Variants in MYT1L observed in about 807,000 individuals in gnomAD.
MYT1L encodes the protein myelin transcription factor 1-like protein.
A neutral mutation model predicts 126.7 loss-of-function variants in MYT1L; 12 were observed. The observed-to-expected ratio is 0.09, with a 90% CI of 0.06 to 0.15. The LOEUF (loss-of-function observed/expected upper bound fraction) is 0.15, where lower values mean the gene tolerates loss of function less well. Ranked by LOEUF, MYT1L falls within the 10% of genes least tolerant of loss-of-function variation. MYT1L has a pLI of 1.00. For missense variants in MYT1L, 979 were observed against 1,585.2 expected (o/e 0.62, Z 6.49); for synonymous variants, 541 against 604.2 (o/e 0.90, Z 1.53).
intron 4 of MYT1L, among the ~76,000 whole-genome samples, chr2:2,052,336 A>C (rs1158643540): frequency 1.3e-5 from 2 of 152,240 alleles, no homozygotes; most frequent in Non-Finnish European, 2.9e-5. Context: ...TAAAACTCTT[A>C]GAAGAAAATA....
At chr2:2,025,021 C>T (rs2149858617) in intron 4 of MYT1L, among the ~76,000 whole-genome samples, 1 of 152,360 alleles carries the variant, frequency 6.6e-6, no homozygotes, top group East Asian at 1.9e-4. Flanking sequence ...TTTTTATTGC[C>T]CCCACTGCAT....
At chr2:1,854,334 A>G (rs1473042804) in intron 18 of MYT1L, among the ~76,000 whole-genome samples, 1 of 152,174 alleles carries the variant, frequency 6.6e-6, no homozygotes, top group Non-Finnish European at 1.5e-5. Flanking sequence ...TTACTGGGCC[A>G]TCATTAAATG....
At chr2:2,065,621 C>T (rs1272945112) in intron 3 of MYT1L, among the ~76,000 whole-genome samples, 3 of 152,130 alleles carry the variant, frequency 2.0e-5, no homozygotes, top group East Asian at 1.9e-4. Context: ...ATGTCTACCC[C>T]GCACTTCTCA....
chr2:2,187,160 G>A (rs1223712941), intron 2 of MYT1L, among the ~76,000 whole-genome samples: 2 of 152,020 alleles, frequency 1.3e-5, no homozygotes, highest in Non-Finnish European at 2.9e-5. Context: ...ATATTTGGTC[G>A]TGGGCTCCCT....
At chr2:1,812,538 C>T (rs2036832837) in intron 21 of MYT1L, among the ~76,000 whole-genome samples, 2 of 152,092 alleles carry the variant, frequency 1.3e-5, no homozygotes, top group Admixed American at 1.3e-4. Context: ...GCAGACTGAG[C>T]CCTCAAAGAG....
intron 2 of MYT1L, among the ~76,000 whole-genome samples, chr2:2,229,670 C>T (rs1276621202): frequency 1.3e-5 from 2 of 152,042 alleles, no homozygotes; most frequent in Admixed American, 6.6e-5. Flanking sequence ...TGGGCTCCAG[C>T]GTGCACCCAC....
rs1179299917 is a variant in MYT1L, at chr2:1,870,746, T to C, written c.2711+15793A>G. Among the ~76,000 whole-genome samples, 10 of 152,274 alleles carry C rather than the reference T, an allele frequency of 6.6e-5. 1 individual carries two copies. Among genetic ancestry groups the C allele is most frequent in the Admixed American group, 1.3e-4 (2 of 15,292 alleles). On this transcript the variant is annotated intron_variant, in intron 18 of 24. Coordinates refer to ENST00000647738, the MANE Select transcript of MYT1L (RefSeq NM_001303052.2). ...GCACACTGAAAAATGTTAATCAACA[T>C]TGTTTGCTACTCCAGTTACGGAAGA...
chr2:1,790,343 A>G lies in MYT1L; in HGVS notation c.*1524T>C, dbSNP rs2031848723. 6.6e-6 allele frequency: 1 copy of G among 152,246 alleles called. No individual in the cohort carries two copies. The highest frequency in any genetic ancestry group is 6.5e-5 in the Admixed American group (1 of 15,278). 9.4% of individuals were successfully genotyped at this position (152,246 alleles called of 1,614,324 possible). The stretch of plus-strand genomic sequence containing the variant: ...GATGCTACTAAATGGAACTCAAGTC[A>G]ACATCAGAAAACACAACACGTCGTC... On this transcript the variant is annotated 3_prime_UTR_variant, in exon 25 of 25. Transcript: ENST00000647738.
intron 21 of MYT1L, among the ~76,000 whole-genome samples, chr2:1,831,244 C>A (rs1219337240): frequency 6.6e-6 from 1 of 151,972 alleles, no homozygotes; most frequent in Non-Finnish European, 1.5e-5. Flanking sequence ...GCTCTGAGGA[C>A]CCCCAGCTCC....
chr2:2,225,920 G>A (rs1460680345), intron 2 of MYT1L, among the ~76,000 whole-genome samples: 2 of 152,160 alleles, frequency 1.3e-5, no homozygotes, highest in African/African-American at 2.4e-5. Flanking sequence ...AAACTGCCAC[G>A]AGTATAAGAA....
At chr2:2,189,711 C>T (rs941396606) in intron 2 of MYT1L, among the ~76,000 whole-genome samples, 1 of 152,136 alleles carries the variant, frequency 6.6e-6, no homozygotes, top group Admixed American at 6.5e-5. Flanking sequence ...TATGAAGAGC[C>T]CTTGTAACTG....
At position 1,940,026 on chromosome 2, in the gene MYT1L, C is replaced by T. The variant is rs149982933; in HGVS notation, c.505+2956G>A. On this transcript the variant is annotated intron_variant, in intron 9 of 24. Coordinates refer to ENST00000647738, the MANE Select transcript of MYT1L (RefSeq NM_001303052.2). ...TGGCAATGGAAACCTGGTGGAAGGG[C>T]CCCGCAAGGGCATGCAAATGCTGTT... is the stretch of plus-strand genomic sequence containing the variant. 2.2e-3 allele frequency among the ~76,000 whole-genome samples: 328 copies of T among 152,358 alleles called. 3 individuals carry two copies. The highest frequency in any genetic ancestry group is 7.0e-3 in the African/African-American group (290 of 41,580).
intron 18 of MYT1L, among the ~76,000 whole-genome samples, chr2:1,882,463 C>G (rs1266409313): frequency 6.6e-6 from 1 of 152,226 alleles, no homozygotes; most frequent in African/African-American, 2.4e-5. Context: ...CACATTAGCT[C>G]TCCTCCCAAT....
Position 1,979,328 on chromosome 2 carries a change from G to A in MYT1L, c.90-101C>T. 1.7e-6 allele frequency: 2 copies of A among 1,187,960 alleles called. No homozygotes were observed. The highest frequency in any genetic ancestry group is 2.5e-6 in the Non-Finnish European group (2 of 811,524). 73.6% of individuals were successfully genotyped at this position (1,187,960 alleles called of 1,614,324 possible). On this transcript the variant is annotated intron_variant, in intron 7 of 24. Coordinates refer to ENST00000647738, the MANE Select transcript of MYT1L (RefSeq NM_001303052.2). The surrounding 1 kb of genome is among the most constrained non-coding windows in gnomAD (Gnocchi z 4.0). ...GAAGGAGGGCGGCTCAGACAGAGGA[G>A]AGAAATCACACAATCCAAAGGAGGG...
intron 4 of MYT1L, among the ~76,000 whole-genome samples, chr2:2,014,486 G>A (rs1292292348): frequency 6.6e-6 from 1 of 152,178 alleles, no homozygotes; most frequent in Non-Finnish European, 1.5e-5. Flanking sequence ...CAAAGGAGTG[G>A]GTGGAAGGTC....
At chr2:1,796,929 A>C (rs894857967) in intron 23 of MYT1L, among the ~76,000 whole-genome samples, 1 of 152,050 alleles carries the variant, frequency 6.6e-6, no homozygotes, top group Non-Finnish European at 1.5e-5. Flanking sequence ...CCTCAGCGGC[A>C]GTTTTGTTTT....
chr2:1,968,375 G>T (rs936820792), intron 8 of MYT1L, among the ~76,000 whole-genome samples: 1 of 152,158 alleles, frequency 6.6e-6, no homozygotes, highest in Non-Finnish European at 1.5e-5. Flanking sequence ...GAATTGCTAT[G>T]TATTATTTAT....
intron 8 of MYT1L, among the ~76,000 whole-genome samples, chr2:1,953,907 A>G (rs2058108052): frequency 6.6e-6 from 1 of 152,150 alleles, no homozygotes; most frequent in Non-Finnish European, 1.5e-5. Context: ...TTGGCCAACT[A>G]AGCTGCTGTA....
intron 13 of MYT1L, among the ~76,000 whole-genome samples, chr2:1,908,742 G>C (rs1456571873): frequency 1.3e-5 from 2 of 152,180 alleles, no homozygotes; most frequent in Non-Finnish European, 2.9e-5. Context: ...TGGCCTATGA[G>C]TTGTTCAGTG....
Sources: gnomAD v4.1 joint callset for allele counts (sites outside exome capture counted in the v4.1 genomes callset) on GRCh38, gnomAD v4.1.1 for gene constraint, Gnocchi (gnomAD v3.1) non-coding constraint, MANE v1.5 for transcripts, NCBI Gene and HGNC (gene_info 2026-07-23, HGNC 2026-07-21) for gene names.